AIG1: variants seen among roughly 807,000 people sequenced by gnomAD.
AIG1 encodes androgen induced 1.
A neutral mutation model predicts 31.4 loss-of-function variants in AIG1; 23 were observed. The ratio of observed to expected loss-of-function variants is 0.73; its 90% CI spans 0.53 to 1.04. AIG1 has a LOEUF of 1.04. Ranked by LOEUF, AIG1 falls within the 50% of genes least tolerant of loss-of-function variation. The pLI is 0.00. For missense variants in AIG1, 274 were observed against 295.0 expected (o/e 0.93, Z 0.52); for synonymous variants, 100 against 110.5 (o/e 0.90, Z 0.60).
intron 1 of AIG1, among the ~76,000 whole-genome samples, chr6:143,106,125 G>A (rs970743282): frequency 6.6e-6 from 1 of 152,116 alleles, no homozygotes; most frequent in South Asian, 2.1e-4. Context: ...TCCTGGAGTA[G>A]GGCAGGCCCT....
intron 4 of AIG1, among the ~76,000 whole-genome samples, chr6:143,289,213 A>T (rs1797890185): frequency 1.3e-5 from 2 of 152,162 alleles, no homozygotes; most frequent in Non-Finnish European, 2.9e-5. Flanking sequence ...CTGCAGAGCC[A>T]TTTCAAAATA....
intron 4 of AIG1, among the ~76,000 whole-genome samples, chr6:143,300,663 T>C (rs934031339): frequency 3.3e-5 from 5 of 152,260 alleles, no homozygotes; most frequent in Non-Finnish European, 5.9e-5. Context: ...TGTATACTTC[T>C]AAAAATTACT....
intron 4 of AIG1, among the ~76,000 whole-genome samples, chr6:143,296,911 A>C (rs1460269886): frequency 6.6e-6 from 1 of 152,166 alleles, no homozygotes; most frequent in Admixed American, 6.5e-5. Flanking sequence ...ACTGGTGACA[A>C]AGTTCATTAA....
intron 1 of AIG1, among the ~76,000 whole-genome samples, chr6:143,094,545 G>A (rs181455911): frequency 3.9e-5 from 6 of 152,284 alleles, no homozygotes; most frequent in Admixed American, 1.3e-4. Flanking sequence ...CAATAGAGCT[G>A]AGGTTTGTTG....
In AIG1 at chr6:143,306,367, T is replaced by G. The variant is rs200701988; in HGVS notation, c.515+22142T>G. ...ATGATTTTTCAGTGGCTGGTACTGG[T>G]TGTTCCTTTCCATGTTTAGTGCTTC... is the stretch of plus-strand genomic sequence containing the variant. On this transcript the variant is annotated intron_variant, in intron 4 of 5. Transcript: ENST00000357847. 2.6e-5 allele frequency among the ~76,000 whole-genome samples: 4 copies of G among 152,160 alleles called. No homozygotes were observed. In the East Asian group the frequency reaches 7.7e-4, roughly 29 times the overall value.
intron 1 of AIG1, among the ~76,000 whole-genome samples, chr6:143,119,057 A>G (rs1026608236): frequency 1.5e-4 from 23 of 151,976 alleles, no homozygotes; most frequent in African/African-American, 5.3e-4. Context: ...TATTTTTTGT[A>G]GAGACAGAAT....
At chr6:143,101,922 A>G (rs1459930336) in intron 1 of AIG1, among the ~76,000 whole-genome samples, 1 of 152,174 alleles carries the variant, frequency 6.6e-6, no homozygotes, top group Non-Finnish European at 1.5e-5. Context: ...CTTTATATCA[A>G]TTAAATAAGA....
At chr6:143,173,646 A>G (rs1562457111) in intron 3 of AIG1, among the ~76,000 whole-genome samples, 1 of 152,202 alleles carries the variant, frequency 6.6e-6, no homozygotes, top group Non-Finnish European at 1.5e-5. Context: ...TGTTGAGCCA[A>G]TGATCATTCA....
intron 4 of AIG1, among the ~76,000 whole-genome samples, chr6:143,296,431 T>G (rs1798432637): frequency 6.6e-6 from 1 of 152,212 alleles, no homozygotes; most frequent in Non-Finnish European, 1.5e-5. Context: ...GAGAGCATTT[T>G]GAAGACTCAG....
chr6:143,079,885 A>G (rs1452326377), intron 1 of AIG1, among the ~76,000 whole-genome samples: 1 of 151,500 alleles, frequency 6.6e-6, no homozygotes, highest in Non-Finnish European at 1.5e-5. Flanking sequence ...CCGTGCTCAA[A>G]TGCCTGTGTT....
At chr6:143,229,781 G>C (rs1203609903) in intron 3 of AIG1, among the ~76,000 whole-genome samples, 6 of 59,694 alleles carry the variant, frequency 1.0e-4, no homozygotes, top group South Asian at 6.6e-4. Context: ...TGGACTCTCA[G>C]AACAAAAAAA....
intron 1 of AIG1, among the ~76,000 whole-genome samples, chr6:143,123,722 A>T (rs571976015): frequency 6.6e-6 from 1 of 152,084 alleles, no homozygotes; most frequent in South Asian, 2.1e-4. Flanking sequence ...ATTTTTTGTT[A>T]TTCTTTATAG....
chr6:143,343,032 T>A (rs969591267), downstream of AIG1: 2 of 815,358 alleles, frequency 2.5e-6, no homozygotes, highest in Non-Finnish European at 2.2e-6. Flanking sequence ...GTTATGTGTG[T>A]AAAGTTGCCA....
chr6:143,105,953 G>T (rs780828714), intron 1 of AIG1, among the ~76,000 whole-genome samples: 6 of 152,186 alleles, frequency 3.9e-5, no homozygotes, highest in Non-Finnish European at 8.8e-5. Flanking sequence ...TAGTGAGCTC[G>T]TGTGCTTTTC....
intron 3 of AIG1, among the ~76,000 whole-genome samples, chr6:143,201,450 T>A (rs1790690893): frequency 6.6e-6 from 1 of 152,216 alleles, no homozygotes; most frequent in Non-Finnish European, 1.5e-5. Context: ...AGTGCTAGCT[T>A]TAAATTTAAA....
At chr6:143,098,691 C>G (rs1485869096) in intron 1 of AIG1, among the ~76,000 whole-genome samples, 1 of 152,176 alleles carries the variant, frequency 6.6e-6, no homozygotes, top group African/African-American at 2.4e-5. Context: ...ATTTTACCTC[C>G]CAAACCTGCT....
At chr6:143,196,355 A>ACG (rs199604811) in intron 3 of AIG1, among the ~76,000 whole-genome samples, 682 of 38,966 alleles carry the variant, frequency 0.018, 6 homozygotes, top group African/African-American at 0.04. Context: ...AAAGCAACAC[A>ACG]CACACACACA....
At chr6:143,113,945 T>C (rs1781519499) in intron 1 of AIG1, among the ~76,000 whole-genome samples, 1 of 151,926 alleles carries the variant, frequency 6.6e-6, no homozygotes, top group Admixed American at 6.5e-5. Flanking sequence ...CGGCTAACTT[T>C]TTGTATTTTT....
intron 5 of AIG1, among the ~76,000 whole-genome samples, chr6:143,337,311 C>T (rs1777571463): frequency 1.3e-5 from 2 of 152,170 alleles, no homozygotes; most frequent in Admixed American, 6.5e-5. Flanking sequence ...GGGCACTCCG[C>T]GGATCTTTTT....
Sources: gnomAD v4.1 joint callset for allele counts (sites outside exome capture counted in the v4.1 genomes callset) on GRCh38, gnomAD v4.1.1 for gene constraint, MANE v1.5 for transcripts, NCBI Gene and HGNC (gene_info 2026-07-23, HGNC 2026-07-21) for gene names.